Variants in RFTN2 observed in about 807,000 individuals in gnomAD.
The protein encoded by RFTN2 is raftlin-2.
A neutral mutation model predicts 52.7 loss-of-function variants in RFTN2; 34 were observed. That is an observed-to-expected ratio of 0.64 (90% CI 0.49 to 0.86). The LOEUF (loss-of-function observed/expected upper bound fraction) is 0.86. RFTN2 is among the 40% of genes least tolerant of loss of function. The pLI is 0.00. For missense variants in RFTN2, 536 were observed against 600.1 expected (o/e 0.89, Z 1.12); for synonymous variants, 203 against 217.7 (o/e 0.93, Z 0.59).
At chr2:197,593,864 A>C (rs2087754824) in intron 8 of RFTN2, among the ~76,000 whole-genome samples, 1 of 148,704 alleles carries the variant, frequency 6.7e-6, no homozygotes, top group Non-Finnish European at 1.5e-5. Flanking sequence ...CCAGCCTGGC[A>C]ACAGAGTGAG....
In RFTN2 at chr2:197,646,568, G is replaced by A. The variant is rs1353138684; in HGVS notation, c.238C>T (p.His80Tyr). The change falls in exon 2 of 9, where the codon CAT becomes TAT. Residue 80 changes from histidine to tyrosine, a missense_variant. Transcript: ENST00000295049. ...YLKGYIVGAIHPVIQPVGQRK... is the reference protein window; with the variant it reads ...YLKGYIVGAIYPVIQPVGQRK... Reference sequence around the variant, plus strand: ...TGCCCCACAGGTTGTATAACAGGATGAATAGCCCCGACAATATATCCTTTA... The same window carrying A: ...TGCCCCACAGGTTGTATAACAGGATAAATAGCCCCGACAATATATCCTTTA... The A allele has an allele frequency of 3.7e-6, 6 of 1,612,968 alleles. No individual in the cohort carries two copies. The highest frequency in any genetic ancestry group is 5.1e-6 in the Non-Finnish European group (6 of 1,178,930).
At chr2:197,594,411 C>G (rs1243230628) in intron 8 of RFTN2, among the ~76,000 whole-genome samples, 1 of 151,866 alleles carries the variant, frequency 6.6e-6, no homozygotes, top group East Asian at 1.9e-4. Flanking sequence ...CACTGCAGCA[C>G]TGAACTCCTG....
chr2:197,617,180 GA>G (rs1444513368), intron 6 of RFTN2, among the ~76,000 whole-genome samples: 1 of 152,192 alleles, frequency 6.6e-6, no homozygotes, highest in Non-Finnish European at 1.5e-5. Flanking sequence ...AACACTAGTT[GA>G]GTGACCAAAT....
In RFTN2 at chr2:197,646,474, T is replaced by C; in HGVS notation, c.323+9A>G. ...CCTCACCTGCCTCTTTCTTGAATAG[T>C]GTGCTTACCTTAATTTCAAGCGCAA... is the stretch of plus-strand genomic sequence containing the variant. On this transcript the variant is annotated intron_variant, in intron 2 of 8. Coordinates refer to ENST00000295049, the MANE Select transcript of RFTN2 (RefSeq NM_144629.3). 1 of 1,607,508 alleles carries C rather than the reference T, an allele frequency of 6.2e-7. No individual in the cohort carries two copies. Among genetic ancestry groups the C allele is most frequent in the Non-Finnish European group, 8.5e-7 (1 of 1,176,764 alleles).
At chr2:197,599,579 A>G (rs2087849214) in intron 7 of RFTN2, among the ~76,000 whole-genome samples, 1 of 152,120 alleles carries the variant, frequency 6.6e-6, no homozygotes, top group African/African-American at 2.4e-5. Flanking sequence ...TTAGGGGTGT[A>G]TGTCAAGGAA....
At chr2:197,662,196 A>C (rs1038420945) in intron 1 of RFTN2, among the ~76,000 whole-genome samples, 1 of 151,850 alleles carries the variant, frequency 6.6e-6, no homozygotes, top group African/African-American at 2.4e-5. Flanking sequence ...TAGCCATAAA[A>C]TCTTTCCTAG....
At chr2:197,644,330 T>A in intron 2 of RFTN2, 58 bp from the exon 3 acceptor site, 1 of 938,188 alleles carries the variant, frequency 1.1e-6, no homozygotes, top group Non-Finnish European at 1.7e-6. Flanking sequence ...TCAGCTAATA[T>A]GCTCATGTGA....
chr2:197,628,498 A>C (rs960118103), intron 5 of RFTN2, among the ~76,000 whole-genome samples: 1 of 152,226 alleles, frequency 6.6e-6, no homozygotes, highest in African/African-American at 2.4e-5. Flanking sequence ...GACCCAAGGC[A>C]GGGATGCCTG....
chr2:197,667,856 C>T (rs139232739), intron 1 of RFTN2, among the ~76,000 whole-genome samples: 1 of 152,230 alleles, frequency 6.6e-6, no homozygotes, highest in Non-Finnish European at 1.5e-5. Flanking sequence ...GTCTTTGGGA[C>T]CCAGTGAGGC....
At chr2:197,640,708 G>GC (rs1342342659) in intron 3 of RFTN2, among the ~76,000 whole-genome samples, 1 of 152,170 alleles carries the variant, frequency 6.6e-6, no homozygotes, top group East Asian at 1.9e-4. Flanking sequence ...CGTCGCTCAC[G>GC]CCGGGAGCTG....
intron 1 of RFTN2, among the ~76,000 whole-genome samples, chr2:197,672,778 T>G (rs2089164659): frequency 6.6e-6 from 1 of 152,130 alleles, no homozygotes; most frequent in Non-Finnish European, 1.5e-5. Context: ...TTTGTATGCT[T>G]CAAGTCTATG....
rs1281331496 is a variant in RFTN2 at position 197,610,931 on chromosome 2, G to T, written c.1154+4945C>A. On this transcript the variant is annotated intron_variant, in intron 7 of 8. Coordinates refer to ENST00000295049, the MANE Select transcript of RFTN2 (RefSeq NM_144629.3). The stretch of plus-strand genomic sequence containing the variant: ...GGATTACATTTATTGATTTGTGTAT[G>T]TTGAACCAGCCTTGCATCCCAGGGA... 6.6e-5 allele frequency among the ~76,000 whole-genome samples: 10 copies of T among 152,184 alleles called. No homozygotes were observed. The East Asian group carries it at 1.7e-3, about 26-fold the overall frequency.
At chr2:197,577,362 G>C (rs2087435638) in intron 8 of RFTN2, among the ~76,000 whole-genome samples, 1 of 152,258 alleles carries the variant, frequency 6.6e-6, no homozygotes, top group Non-Finnish European at 1.5e-5. Flanking sequence ...CCCCAAGTTA[G>C]ACACAGTTTG....
At chr2:197,608,623 C>CTTTTT (rs57681105) in intron 7 of RFTN2, among the ~76,000 whole-genome samples, 1 of 99,514 alleles carries the variant, frequency 1.0e-5, no homozygotes, top group Non-Finnish European at 2.0e-5. Context: ...TGGGACCAGA[C>CTTTTT]TTTTTTTTTT....
intron 7 of RFTN2, among the ~76,000 whole-genome samples, chr2:197,598,586 T>A (rs150115867): frequency 6.6e-6 from 1 of 152,170 alleles, no homozygotes. Context: ...ATGGGGCAAT[T>A]CTGAATGCAC....
intron 8 of RFTN2, among the ~76,000 whole-genome samples, chr2:197,591,125 A>C (rs1463029753): frequency 6.6e-6 from 1 of 152,038 alleles, no homozygotes; most frequent in Non-Finnish European, 1.5e-5. Flanking sequence ...GCTAGACACA[A>C]AAGTTCTCCA....
intron 5 of RFTN2, among the ~76,000 whole-genome samples, chr2:197,620,043 G>C (rs2088235893): frequency 6.6e-6 from 1 of 151,782 alleles, no homozygotes; most frequent in Non-Finnish European, 1.5e-5. Flanking sequence ...TCTATACGTT[G>C]TATGCATGTT....
At chr2:197,591,917 TGCCTCTCCCTCCAC>T (rs1423164881) in intron 8 of RFTN2, among the ~76,000 whole-genome samples, 4 of 148,586 alleles carry the variant, frequency 2.7e-5, no homozygotes, top group Admixed American at 6.7e-5. Flanking sequence ...TCCTGCCCCG[TGCCTCTCCCTCCAC>T]GCCTCTCCCT....
chr2:197,611,766 T>C (rs760839972), intron 7 of RFTN2, among the ~76,000 whole-genome samples: 2 of 152,246 alleles, frequency 1.3e-5, no homozygotes, highest in African/African-American at 2.4e-5. Flanking sequence ...TAAATTTCCC[T>C]CTACACATTG....
Sources: gnomAD v4.1 joint callset for allele counts (sites outside exome capture counted in the v4.1 genomes callset) on GRCh38, gnomAD v4.1.1 for gene constraint, MANE v1.5 for transcripts, NCBI Gene and HGNC (gene_info 2026-07-23, HGNC 2026-07-21) for gene names.